ZBTB37: variants seen among roughly 807,000 people sequenced by gnomAD.
ZBTB37 encodes zinc finger and BTB domain containing 37.
Under a neutral mutation model 37.7 loss-of-function variants are expected in ZBTB37, and 15 were observed. That is an observed-to-expected ratio of 0.40 (90% CI 0.27 to 0.61). The LOEUF is 0.61. Among genes scored for constraint, ZBTB37 ranks in the 20% least tolerant of loss-of-function variants. The pLI is 0.44. For missense variants in ZBTB37, 514 were observed against 641.9 expected, an observed-to-expected ratio of 0.80 and a Z score of 2.15; for synonymous variants, 231 against 220.6, an observed-to-expected ratio of 1.05 and a Z score of -0.42.
chr1:173,870,398 G>A, exon 3 of ZBTB37: 2 of 1,614,158 alleles, frequency 1.2e-6, no homozygotes, highest in South Asian at 1.1e-5. Flanking sequence ...CCCTATTTCC[G>A]GGATCACATG....
chr1:173,881,601 T>G (rs951238701), intron 4 of ZBTB37, among the ~76,000 whole-genome samples: 1 of 152,200 alleles, frequency 6.6e-6, no homozygotes, highest in Non-Finnish European at 1.5e-5. Context: ...TTTCTCCACA[T>G]CCTCTCCAGC....
intron 4 of ZBTB37, among the ~76,000 whole-genome samples, chr1:173,884,342 C>T (rs1656503753): frequency 6.6e-6 from 1 of 151,794 alleles, no homozygotes; most frequent in African/African-American, 2.4e-5. Flanking sequence ...ATTTTTTGTA[C>T]AGGTGGGGTC....
chr1:173,900,115 G>GA (rs1461949618), exon 4 of ZBTB37: 1 of 152,140 alleles, frequency 6.6e-6, no homozygotes, highest in Non-Finnish European at 1.5e-5. Flanking sequence ...TGGAGAAAAG[G>GA]AAGGATCCTG....
At chr1:173,887,470 C>T (rs1656674129), downstream of ZBTB37, 1 of 152,170 alleles carries the variant, frequency 6.6e-6, no homozygotes. Flanking sequence ...GGTTTGGTTA[C>T]TTAGTCATTC....
At chr1:173,901,098 A>G (rs1331821851) in exon 4 of ZBTB37, 1 of 152,232 alleles carries the variant, frequency 6.6e-6, no homozygotes, top group Non-Finnish European at 1.5e-5. Context: ...AGTTTGGTCA[A>G]GTTCTGCCTA....
At chr1:173,901,692 C>T (rs1178482541) in exon 4 of ZBTB37, 3 of 152,168 alleles carry the variant, frequency 2.0e-5, no homozygotes, top group Admixed American at 6.6e-5. Flanking sequence ...TGTGCTTGGC[C>T]TAGAACTCTG....
At chr1:173,877,653 C>T (rs1041454386) in intron 4 of ZBTB37, among the ~76,000 whole-genome samples, 94 of 152,144 alleles carry the variant, frequency 6.2e-4, no homozygotes, top group Non-Finnish European at 1.9e-4. Flanking sequence ...ACTTGGAAGA[C>T]CAAGGTGCAG....
At chr1:173,900,979 A>G (rs1408899511) in exon 4 of ZBTB37, 1 of 152,224 alleles carries the variant, frequency 6.6e-6, no homozygotes, top group Non-Finnish European at 1.5e-5. Flanking sequence ...GGGAGAGAGT[A>G]GAGCAGAGTG....
exon 4 of ZBTB37, chr1:173,893,962 C>T (rs1656947818): frequency 6.6e-6 from 1 of 152,208 alleles, no homozygotes; most frequent in South Asian, 2.1e-4. Flanking sequence ...TGCATGATGT[C>T]ATATTGACTC....
At chr1:173,880,610 G>GTCT (rs1232527570) in intron 4 of ZBTB37, among the ~76,000 whole-genome samples, 1 of 152,238 alleles carries the variant, frequency 6.6e-6, no homozygotes, top group African/African-American at 2.4e-5. Flanking sequence ...AGAGTTTACA[G>GTCT]TCTAATAGGT....
At chr1:173,892,792 T>C (rs1256501502) in exon 4 of ZBTB37, 1 of 152,204 alleles carries the variant, frequency 6.6e-6, no homozygotes, top group Non-Finnish European at 1.5e-5. Flanking sequence ...AGGAAATAAA[T>C]TACAAAAGCA....
exon 4 of ZBTB37, chr1:173,892,266 T>A (rs1460363719): frequency 1.3e-5 from 2 of 152,188 alleles, no homozygotes; most frequent in Admixed American, 1.3e-4. Flanking sequence ...GTAATAGATG[T>A]CAATTTAAAT....
At chr1:173,869,723 T>C (rs1299487697) in intron 2 of ZBTB37, among the ~76,000 whole-genome samples, 2 of 152,304 alleles carry the variant, frequency 1.3e-5, no homozygotes, top group East Asian at 3.9e-4. Context: ...TTTTATAAAA[T>C]AATAAACATA....
downstream of ZBTB37, chr1:173,891,091 G>A (rs1656823547): frequency 6.6e-6 from 1 of 152,076 alleles, no homozygotes; most frequent in Non-Finnish European, 1.5e-5. Flanking sequence ...GCTCCTTCAT[G>A]ATTCCCATTA....
rs1033634952 is a variant in ZBTB37 at position 173,873,580 on chromosome 1, G to A, written c.1023+14G>A. Reference sequence around the variant, plus strand: ...CCCAGCTCCCAGGTATGGAGTTGTGGATTTAGAACTGCTTTGGTGGTTGGA... The same window carrying A: ...CCCAGCTCCCAGGTATGGAGTTGTGAATTTAGAACTGCTTTGGTGGTTGGA... On this transcript the variant is annotated intron_variant, in intron 4 of 4. Coordinates refer to ENST00000427304, the Ensembl canonical transcript of ZBTB37. 1.2e-6 allele frequency: 2 copies of A among 1,613,686 alleles called. No homozygotes were observed. Among genetic ancestry groups the A allele is most frequent in the Non-Finnish European group, 1.7e-6 (2 of 1,179,872 alleles).
chr1:173,873,449 A>G lies in ZBTB37; in HGVS notation c.924-18A>G, dbSNP rs1456139167. On this transcript the variant is annotated intron_variant, in intron 3 of 4. Coordinates refer to ENST00000427304, the Ensembl canonical transcript of ZBTB37. ...TGCTGCTTTTGTATTAGTCCCCTTT[A>G]TGTTCCTCTTCCAACAGATTTAGCC... The G allele has an allele frequency of 6.3e-7, 1 of 1,593,586 alleles. No homozygotes were observed. The highest frequency in any genetic ancestry group is 1.8e-5 in the Admixed American group (1 of 55,888).
At chr1:173,894,915 A>G (rs933062702) in exon 4 of ZBTB37, 3 of 152,142 alleles carry the variant, frequency 2.0e-5, no homozygotes, top group African/African-American at 7.2e-5. Context: ...TAGAAGGAGA[A>G]TGAGACAAAT....
intron 4 of ZBTB37, among the ~76,000 whole-genome samples, chr1:173,875,330 A>ATATATT (rs1399968929): frequency 6.5e-5 from 8 of 122,448 alleles, no homozygotes; most frequent in African/African-American, 2.7e-4. Flanking sequence ...ATATATATAT[A>ATATATT]TTTTTTTTTT....
rs375247823 is a variant in ZBTB37 at position 173,880,145 on chromosome 1, C to T, written c.1024-5491C>T. On this transcript the variant is annotated intron_variant, in intron 4 of 4. Coordinates refer to ENST00000427304, the Ensembl canonical transcript of ZBTB37. The stretch of plus-strand genomic sequence containing the variant: ...GCATTTTATTGCATTTGAGAGACCA[C>T]GTTTTCTTATCTTCTTTGTATCTCT... 1.7e-3 allele frequency among the ~76,000 whole-genome samples: 256 copies of T among 152,278 alleles called. 1 individual carries two copies. Among genetic ancestry groups the T allele is most frequent in the African/African-American group, 5.8e-3 (242 of 41,556 alleles).
Sources: allele counts gnomAD v4.1 joint callset (sites outside exome capture counted in the v4.1 genomes callset), GRCh38; gene constraint gnomAD v4.1.1; transcripts MANE v1.5; gene names NCBI Gene and HGNC (gene_info 2026-07-23, HGNC 2026-07-21).